The following MTMR4 variants were observed in gnomAD, a reference collection of about 807,000 sequenced individuals.
MTMR4 encodes phosphatidylinositol-3,5-bisphosphate 3-phosphatase MTMR4.
Under a neutral mutation model 125.5 loss-of-function variants are expected in MTMR4, and 30 were observed. The ratio of observed to expected loss-of-function variants is 0.24; its 90% CI spans 0.18 to 0.32. The LOEUF is 0.32. MTMR4 is among the 10% of genes least tolerant of loss of function. The pLI is 1.00. For synonymous variants in MTMR4, 498 were observed against 564.5 expected (o/e 0.88, Z 1.67); for missense variants, 1,039 against 1,511.5 (o/e 0.69, Z 5.18).
In MTMR4 at chr17:58,491,677, T is replaced by G; in HGVS notation, c.3616A>C (p.Thr1206Pro). Residue 1206 changes from threonine (T) to proline (P), a missense_variant, in exon 18 of 18, where the codon ACA becomes CCA. Physicochemically the swap from Thr to Pro is conservative, Grantham distance 38 (BLOSUM62 -1). This residue lies in a region of MTMR4 where 60 missense variants were observed against 129.6 expected (regional missense o/e 0.46). Transcript: ENST00000682306. Reference protein sequence around the residue: ...MSQQLKKPIATASS With the variant: ...MSQQLKKPIAPASS ...CTCCCCGGCATTCAACTGGAAGCTG[T>G]AGCAATGGGTTTCTTCAGCTGTTGG... 1 of 1,613,812 alleles carries G rather than the reference T, an allele frequency of 6.2e-7. No individual in the cohort carries two copies. The highest frequency in any genetic ancestry group is 8.5e-7 in the Non-Finnish European group (1 of 1,179,744).
rs150514820 is a variant in MTMR4 at position 58,495,304 on chromosome 17, C to A, written c.2880G>T (p.Gly960=). ...RPNSKQMRAT[G]PCFGGQWAQR... The stretch of plus-strand genomic sequence containing the variant: ...GAGCCCACTGGCCCCCAAAGCAGGG[C>A]CCTGTGGCCCGCATCTGCTTACTGT... Residue 960 remains glycine, a synonymous_variant, in exon 15 of 18, where the codon GGG becomes GGT. Coordinates refer to ENST00000682306, the MANE Select transcript of MTMR4 (RefSeq NM_001378067.1). 8 of 1,614,248 alleles carry A rather than the reference C, an allele frequency of 5.0e-6. No individual in the cohort carries two copies. The African/African-American group carries it at 8.0e-5, about 16-fold the overall frequency.
At chr17:58,499,244 A>T (rs1266301504) in intron 14 of MTMR4, among the ~76,000 whole-genome samples, 1 of 149,680 alleles carries the variant, frequency 6.7e-6, no homozygotes, top group South Asian at 2.1e-4. Flanking sequence ...TTTTTTTTTA[A>T]AAAAAAAAAA....
chr17:58,495,629 G>T lies in MTMR4; in HGVS notation c.2555C>A (p.Ser852Ter). Residue 852 changes from serine to a stop codon, truncating the protein, a stop_gained, in exon 15 of 18, where the codon TCA (serine) becomes TAA (stop). Coordinates refer to ENST00000682306, the MANE Select transcript of MTMR4 (RefSeq NM_001378067.1). LOFTEE classifies it high-confidence loss of function. ...PSTDFLNQDP[S>*]GSVASISHQE... ...GTGGGAGATACTTGCCACAGACCCT[G>T]AGGGATCTTGGTTGAGGAAGTCAGT... The T allele has an allele frequency of 1.2e-6, 2 of 1,614,190 alleles. No homozygotes were observed. Among genetic ancestry groups the T allele is most frequent in the Non-Finnish European group, 1.7e-6 (2 of 1,180,034 alleles).
intron 14 of MTMR4, among the ~76,000 whole-genome samples, chr17:58,500,872 C>G (rs906457996): frequency 1.3e-5 from 2 of 151,800 alleles, no homozygotes; most frequent in African/African-American, 4.8e-5. Context: ...CCCACAAAAC[C>G]TAGTACAGTA....
chr17:58,508,154 G>T lies in MTMR4; in HGVS notation c.707+7C>A. 1 of 1,609,204 alleles carries T rather than the reference G, an allele frequency of 6.2e-7. No individual in the cohort carries two copies. Among genetic ancestry groups the T allele is most frequent in the Non-Finnish European group, 8.5e-7 (1 of 1,176,242 alleles). Reference sequence around the variant, plus strand: ...GGCCTCCCTACTTCCCAGCCCCACTGCCTCACCTATACACAACCACGGGAA... The same window carrying T: ...GGCCTCCCTACTTCCCAGCCCCACTTCCTCACCTATACACAACCACGGGAA... On this transcript the variant is annotated splice_region_variant and intron_variant, in intron 7 of 17. Coordinates refer to ENST00000682306, the MANE Select transcript of MTMR4 (RefSeq NM_001378067.1). The surrounding 1 kb of genome is among the most constrained non-coding windows in gnomAD (Gnocchi z 4.8).
intron 4 of MTMR4, among the ~76,000 whole-genome samples, chr17:58,509,077 T>A (rs982083533): frequency 3.3e-5 from 5 of 152,158 alleles, no homozygotes; most frequent in African/African-American, 1.2e-4. Context: ...ATACTTATCC[T>A]CTCGAATGGG....
At chr17:58,492,133 C>G (rs954850986) in intron 17 of MTMR4, among the ~76,000 whole-genome samples, 2 of 152,140 alleles carry the variant, frequency 1.3e-5, no homozygotes, top group African/African-American at 4.8e-5. Context: ...CAAACTAATT[C>G]CACTTAGTTC....
At chr17:58,506,361 G>A (rs1975778964) in intron 9 of MTMR4, among the ~76,000 whole-genome samples, 1 of 152,094 alleles carries the variant, frequency 6.6e-6, no homozygotes, top group Admixed American at 6.5e-5. Context: ...CTAATGGTTT[G>A]TATTTTTGAT....
intron 17 of MTMR4, 55 bp from the exon 18 acceptor site, chr17:58,491,895 G>A (rs937908275): frequency 1.3e-6 from 2 of 1,550,624 alleles, no homozygotes; most frequent in African/African-American, 1.4e-5. Flanking sequence ...TACTGGCCAG[G>A]CAGGGTGACT....
At chr17:58,516,558 T>C, upstream of MTMR4, 1 of 1,613,886 alleles carries the variant, frequency 6.2e-7, no homozygotes, top group East Asian at 2.2e-5. Flanking sequence ...CACAATGGCC[T>C]GAGGAAAGAC....
rs375882495 is a variant in MTMR4, at chr17:58,508,229, G to A, written c.639C>T (p.Ile213=). Reference sequence around the variant, plus strand: ...CCACGTTCTCCAGCTCTTTGTCAGTGATCCACACAGGAACCAGCAGCTTCT... The same window carrying A: ...CCACGTTCTCCAGCTCTTTGTCAGTAATCCACACAGGAACCAGCAGCTTCT... ...YPQKLLVPVW[I]TDKELENVAS... The change falls in exon 7 of 18, where the codon ATC becomes ATT. Residue 213 remains isoleucine (I), a synonymous_variant. Transcript: ENST00000682306. This position sits in a 1 kb window ranked among gnomAD's most constrained non-coding sequence, Gnocchi z 4.8. The A allele has an allele frequency of 1.4e-5, 23 of 1,613,886 alleles. No individual in the cohort carries two copies. The African/African-American group carries it at 3.1e-4, about 22-fold the overall frequency.
intron 15 of MTMR4, 93 bp from the exon 16 acceptor site, chr17:58,493,045 C>T (rs1333942964): frequency 3.3e-6 from 3 of 897,136 alleles, no homozygotes; most frequent in South Asian, 2.9e-5. Flanking sequence ...GCATTACACA[C>T]ATGAACTTAT....
At chr17:58,502,029 A>G (rs1338982067) in intron 14 of MTMR4, among the ~76,000 whole-genome samples, 1 of 152,034 alleles carries the variant, frequency 6.6e-6, no homozygotes, top group Non-Finnish European at 1.5e-5. Flanking sequence ...ACTGCAGTCC[A>G]GCCTGGGCAA....
intron 10 of MTMR4, 97 bp downstream of exon 10, chr17:58,505,375 G>T: frequency 9.3e-7 from 1 of 1,073,246 alleles, no homozygotes; most frequent in Non-Finnish European, 1.4e-6. Context: ...CAGGTCTCCT[G>T]CTCTCCAAAC....
At chr17:58,492,427 C>T in intron 17 of MTMR4, 84 bp downstream of exon 17, 1 of 1,233,018 alleles carries the variant, frequency 8.1e-7, no homozygotes, top group Non-Finnish European at 1.2e-6. Context: ...CCTCGGCCTC[C>T]CAAGGTGTTG....
rs556030580 is a variant in MTMR4, at chr17:58,506,886, G to A, written c.905-15C>T. 58 of 1,608,136 alleles carry A rather than the reference G, an allele frequency of 3.6e-5. 1 individual carries two copies. The East Asian group carries it at 8.5e-4, about 24-fold the overall frequency. On this transcript the variant is annotated splice_polypyrimidine_tract_variant and intron_variant, in intron 8 of 17. Coordinates refer to ENST00000682306, the MANE Select transcript of MTMR4 (RefSeq NM_001378067.1). ...CAGAGAAGAATCTAAACACACAGCAGGAAGGAGTCCCTGAGTCAGCCAGCC... is the reference window on the plus strand; with the variant it reads ...CAGAGAAGAATCTAAACACACAGCAAGAAGGAGTCCCTGAGTCAGCCAGCC...
Position 58,496,024 on chromosome 17 carries a change from A to G in MTMR4, c.2160T>C (p.Asn720=), listed in dbSNP as rs769852824. The change falls in exon 15 of 18, where the codon AAT becomes AAC. Residue 720 remains asparagine, a synonymous_variant. Coordinates refer to ENST00000682306, the MANE Select transcript of MTMR4 (RefSeq NM_001378067.1). ...KSCSPSYKLL[N]TAVPREMKSN... is the part of the protein sequence containing the mutation. ...TCTTCATTTCCCGAGGCACTGCGGT[A>G]TTAAGCAGTTTGTAACTTGGAGAAC... 1 of 1,614,156 alleles carries G rather than the reference A, an allele frequency of 6.2e-7. No individual in the cohort carries two copies. Among genetic ancestry groups the G allele is most frequent in the Non-Finnish European group, 8.5e-7 (1 of 1,180,032 alleles).
chr17:58,507,003 A>T (rs1975793998), intron 8 of MTMR4, 120 bp downstream of exon 8: 1 of 1,551,974 alleles, frequency 6.4e-7, no homozygotes, highest in African/African-American at 1.4e-5. Context: ...CTGACAAGGC[A>T]GGGACCCCAG....
chr17:58,508,043 C>A lies in MTMR4; in HGVS notation c.707+118G>T. ...GATAGTTTTTGTTTTAAAGTTATTT[C>A]ATACTTCCCCATAGAGTGTCAATTC... On this transcript the variant is annotated intron_variant, in intron 7 of 17. Transcript: ENST00000682306. This position sits in a 1 kb window ranked among gnomAD's most constrained non-coding sequence, Gnocchi z 4.8. 1 of 685,526 alleles carries A rather than the reference C, an allele frequency of 1.5e-6. No homozygotes were observed. The highest frequency in any genetic ancestry group is 2.5e-6 in the Non-Finnish European group (1 of 401,846). 42.5% of individuals were successfully genotyped at this position (685,526 alleles called of 1,614,324 possible).
Sources: gnomAD v4.1 joint callset for allele counts (sites outside exome capture counted in the v4.1 genomes callset) on GRCh38, gnomAD v4.1.1 for gene constraint, gnomAD v4.1.1 regional missense constraint, Gnocchi (gnomAD v3.1) non-coding constraint, MANE v1.5 for transcripts, NCBI Gene and HGNC (gene_info 2026-07-23, HGNC 2026-07-21) for gene names.